PSTPIP2: variants seen among roughly 807,000 people sequenced by gnomAD.
PSTPIP2 encodes the protein proline-serine-threonine phosphatase-interacting protein 2.
A neutral mutation model predicts 63.3 loss-of-function variants in PSTPIP2; 33 were observed. That is an observed-to-expected ratio of 0.52 (90% CI 0.40 to 0.70). The LOEUF (loss-of-function observed/expected upper bound fraction) is 0.70. PSTPIP2 is among the 30% of genes least tolerant of loss of function. The pLI is 0.00. For missense variants in PSTPIP2, 312 were observed against 400.7 expected (o/e 0.78, Z 1.89); for synonymous variants, 125 against 132.7 (o/e 0.94, Z 0.40).
At chr18:46,072,127 C>A (rs777760028) in intron 1 of PSTPIP2, 29 bp downstream of exon 1, 1 of 1,527,712 alleles carries the variant, frequency 6.5e-7, no homozygotes, top group Non-Finnish European at 8.8e-7. Context: ...TCCTGAGCCC[C>A]GCGATCCGCT....
At chr18:46,036,121 CA>C (rs1357186303) in intron 2 of PSTPIP2, among the ~76,000 whole-genome samples, 2 of 147,846 alleles carry the variant, frequency 1.4e-5, no homozygotes, top group East Asian at 3.9e-4. Context: ...TAATTAATAT[CA>C]TTTTATTTAA....
intron 1 of PSTPIP2, among the ~76,000 whole-genome samples, chr18:46,064,078 G>A (rs1217203882): frequency 6.6e-6 from 1 of 152,114 alleles, no homozygotes; most frequent in Non-Finnish European, 1.5e-5. Flanking sequence ...CACCCCAAGG[G>A]CAGCCATGCC....
intron 1 of PSTPIP2, chr18:46,041,162 C>T (rs1908179325): frequency 2.3e-6 from 1 of 428,692 alleles, no homozygotes; most frequent in Admixed American, 2.7e-5. Flanking sequence ...GAGAATGGGG[C>T]TGTCTGTCCA....
chr18:45,986,023 C>T (rs939615634), intron 14 of PSTPIP2, among the ~76,000 whole-genome samples: 2 of 152,088 alleles, frequency 1.3e-5, no homozygotes, highest in African/African-American at 2.4e-5. Flanking sequence ...GTGATCCGCC[C>T]GCCTTGGCCT....
rs1309514177 is a variant in PSTPIP2 at position 45,992,185 on chromosome 18, T to C, written c.759A>G (p.Arg253=). Residue 253 remains arginine, a synonymous_variant, in exon 11 of 15, where the codon CGA becomes CGG. Coordinates refer to ENST00000409746, the MANE Select transcript of PSTPIP2 (RefSeq NM_024430.4). ...GAATGCTGCACATTTCTAAACTCTT[T>C]CGGACTTGTTCGTACATCTAATAAA... is the stretch of plus-strand genomic sequence containing the variant. ...VTSDEMYEQV[R]KSLEMCSIQR... 6.3e-7 allele frequency: 1 copy of C among 1,593,834 alleles called. No individual in the cohort carries two copies. Among genetic ancestry groups the C allele is most frequent in the Admixed American group, 1.8e-5 (1 of 56,670 alleles).
intron 8 of PSTPIP2, 55 bp from the exon 9 acceptor site, chr18:45,997,883 G>A (rs2051618942): frequency 6.6e-7 from 1 of 1,507,016 alleles, no homozygotes. Flanking sequence ...GTGGCTCGCA[G>A]ATACACCCAC....
At chr18:46,015,763 G>A in intron 4 of PSTPIP2, 140 bp downstream of exon 4, 1 of 882,450 alleles carries the variant, frequency 1.1e-6, no homozygotes, top group Non-Finnish European at 1.7e-6. Flanking sequence ...AGCCTGCAGA[G>A]CTTTGTCTCA....
intron 1 of PSTPIP2, among the ~76,000 whole-genome samples, chr18:46,052,324 C>T (rs890048774): frequency 1.3e-5 from 2 of 152,192 alleles, no homozygotes; most frequent in Admixed American, 1.3e-4. Context: ...CTTCTGACTA[C>T]TATGTCACAT....
chr18:46,027,024 A>G (rs1449108944), intron 2 of PSTPIP2, among the ~76,000 whole-genome samples: 1 of 151,816 alleles, frequency 6.6e-6, no homozygotes, highest in African/African-American at 2.4e-5. Context: ...GCCGGGTGCA[A>G]TGGCTCACAC....
At chr18:46,008,762 T>C (rs559109080) in intron 5 of PSTPIP2, among the ~76,000 whole-genome samples, 4 of 152,134 alleles carry the variant, frequency 2.6e-5, no homozygotes, top group Non-Finnish European at 5.9e-5. Context: ...GAGTACAGTG[T>C]CTGATCATGT....
At chr18:46,043,904 G>T (rs1908284052) in intron 1 of PSTPIP2, among the ~76,000 whole-genome samples, 1 of 152,068 alleles carries the variant, frequency 6.6e-6, no homozygotes, top group African/African-American at 2.4e-5. Flanking sequence ...GCATTAAAAA[G>T]ATAAACTATA....
chr18:46,053,295 C>T (rs1160085809), intron 1 of PSTPIP2, among the ~76,000 whole-genome samples: 1 of 152,158 alleles, frequency 6.6e-6, no homozygotes, highest in Non-Finnish European at 1.5e-5. Context: ...ACTGCCATTT[C>T]ACTGAGGCCA....
intron 2 of PSTPIP2, 61 bp from the exon 3 acceptor site, chr18:46,024,747 A>C: frequency 7.3e-7 from 1 of 1,375,250 alleles, no homozygotes; most frequent in Non-Finnish European, 1.0e-6. Flanking sequence ...GTTAAGACAC[A>C]ATGACCCTCC....
intron 1 of PSTPIP2, among the ~76,000 whole-genome samples, chr18:46,054,901 C>A (rs1053304667): frequency 6.6e-6 from 1 of 152,080 alleles, no homozygotes; most frequent in Non-Finnish European, 1.5e-5. Context: ...TCGTTATCCA[C>A]CCGCCTCAGC....
chr18:46,054,259 G>A (rs1414756910), intron 1 of PSTPIP2, among the ~76,000 whole-genome samples: 4 of 152,098 alleles, frequency 2.6e-5, no homozygotes, highest in South Asian at 2.1e-4. Flanking sequence ...TGACCAAAAC[G>A]TCATTATGTG....
intron 3 of PSTPIP2, among the ~76,000 whole-genome samples, chr18:46,016,485 A>T (rs1260525070): frequency 6.6e-6 from 1 of 152,238 alleles, no homozygotes; most frequent in Non-Finnish European, 1.5e-5. Flanking sequence ...CAATAATCAT[A>T]TATTTATTGA....
chr18:46,044,418 T>A (rs537218644), intron 1 of PSTPIP2, among the ~76,000 whole-genome samples: 9,108 of 152,284 alleles, frequency 0.06, 355 homozygotes, highest in Non-Finnish European at 0.085. Context: ...AAGGATTCCC[T>A]ATTTAATAAA....
At chr18:46,042,638 G>C (rs1277056653) in intron 1 of PSTPIP2, among the ~76,000 whole-genome samples, 1 of 152,154 alleles carries the variant, frequency 6.6e-6, no homozygotes, top group Non-Finnish European at 1.5e-5. Context: ...CTTGCTGCCA[G>C]ATGCATTAGA....
intron 14 of PSTPIP2, among the ~76,000 whole-genome samples, chr18:45,986,079 T>C (rs1048469000): frequency 3.3e-5 from 5 of 152,208 alleles, no homozygotes. Context: ...ACCGGGACCC[T>C]GTTTAAATTT....
Sources: allele counts gnomAD v4.1 joint callset (sites outside exome capture counted in the v4.1 genomes callset), GRCh38; gene constraint gnomAD v4.1.1; transcripts MANE v1.5; gene names NCBI Gene and HGNC (gene_info 2026-07-23, HGNC 2026-07-21).